The following HEATR5B variants were observed in gnomAD, a reference collection of about 807,000 sequenced individuals.
HEATR5B encodes HEAT repeat-containing protein 5B.
HEATR5B carries 156 observed loss-of-function variants against 224.1 expected under a neutral mutation model. That is an observed-to-expected ratio of 0.70 (90% CI 0.61 to 0.80). HEATR5B has a LOEUF of 0.80. Ranked by LOEUF, HEATR5B falls within the 30% of genes least tolerant of loss-of-function variation. The probability of loss-of-function intolerance (pLI) is 0.00; values close to 1 mark genes in which losing one functional copy is unlikely to be tolerated. For missense variants in HEATR5B, 2,323 were observed against 2,535.5 expected, an observed-to-expected ratio of 0.92 and a Z score of 1.80; for synonymous variants, 1,027 against 893.0, an observed-to-expected ratio of 1.15 and a Z score of -2.68.
intron 33 of HEATR5B, among the ~76,000 whole-genome samples, chr2:36,998,201 A>C (rs1199508533): frequency 2.6e-5 from 4 of 152,188 alleles, no homozygotes; most frequent in African/African-American, 9.6e-5. Context: ...GTTATTTTAT[A>C]TTTTCTTTAC....
chr2:36,993,580 G>A (rs1185757620), intron 33 of HEATR5B, among the ~76,000 whole-genome samples: 1 of 151,134 alleles, frequency 6.6e-6, no homozygotes, highest in Non-Finnish European at 1.5e-5. Flanking sequence ...GATGGGAACA[G>A]ACAAGCGAGA....
At chr2:37,077,436 G>C (rs1672303571) in intron 3 of HEATR5B, among the ~76,000 whole-genome samples, 1 of 152,142 alleles carries the variant, frequency 6.6e-6, no homozygotes, top group Admixed American at 6.5e-5. Context: ...AGCTTCCTGA[G>C]TAGCTGGGAT....
In HEATR5B at chr2:37,007,288, G is replaced by A; in HGVS notation, c.4539C>T (p.Thr1513=). 1.2e-6 allele frequency: 2 copies of A among 1,612,974 alleles called. No homozygotes were observed. Among genetic ancestry groups the A allele is most frequent in the Non-Finnish European group, 1.7e-6 (2 of 1,179,678 alleles). Residue 1513 remains threonine, a synonymous_variant, in exon 29 of 36, where the codon ACC becomes ACT. Coordinates refer to ENST00000233099, the MANE Select transcript of HEATR5B (RefSeq NM_019024.3). ...GTCTAGCTGTATCAATAGTTTCAGG[G>A]GTATAAAATGCTCCACCTGTAAAGC... ...QLPPDGGAFY[T]PETIDTARLH...
chr2:37,060,783 C>T (rs1671236797), intron 11 of HEATR5B, 50 bp from the exon 12 acceptor site: 4 of 1,500,970 alleles, frequency 2.7e-6, no homozygotes, highest in Admixed American at 2.0e-5. Flanking sequence ...ACATACCTTA[C>T]AAACAAGTGT....
In HEATR5B at chr2:37,000,624, C is replaced by T. The variant is rs372733156; in HGVS notation, c.5507G>A (p.Arg1836His). The T allele has an allele frequency of 1.9e-5, 30 of 1,614,066 alleles. No homozygotes were observed. In the Admixed American group the frequency reaches 2.2e-4, roughly 12 times the overall value. Residue 1836 changes from arginine to histidine, a missense_variant, in exon 33 of 36, where the codon CGT becomes CAT. Physicochemically the swap from Arg to His is conservative, Grantham distance 29. This residue lies in a region of HEATR5B where 844 missense variants were observed against 812.9 expected (regional missense o/e 1.04). Coordinates refer to ENST00000233099, the MANE Select transcript of HEATR5B (RefSeq NM_019024.3). Reference protein sequence around the residue: ...GVQKQWTALIRSTLACILEYS... With the variant: ...GVQKQWTALIHSTLACILEYS... Reference sequence around the variant, plus strand: ...TTCCAGGATGCAAGCAAGCGTGCTACGAATCAGAGCTGTCCACTGTTTTTG... The same window carrying T: ...TTCCAGGATGCAAGCAAGCGTGCTATGAATCAGAGCTGTCCACTGTTTTTG...
In HEATR5B at chr2:37,015,282, T is replaced by C. The variant is rs567097816; in HGVS notation, c.4105-1262A>G. 7.9e-5 allele frequency among the ~76,000 whole-genome samples: 12 copies of C among 152,340 alleles called. No individual in the cohort carries two copies. The South Asian group carries it at 1.7e-3, about 21-fold the overall frequency. On this transcript the variant is annotated intron_variant, in intron 26 of 35. Transcript: ENST00000233099. ...AATTTAGACTTCATTCTGTAAGCAA[T>C]TGTGAGTTTCCATGGCCTCTGGACA...
At chr2:37,053,421 A>G (rs551489113) in intron 17 of HEATR5B, 81 bp downstream of exon 17, 89 of 678,890 alleles carry the variant, frequency 1.3e-4, no homozygotes, top group Middle Eastern at 4.4e-4. Context: ...TATAAACATT[A>G]TAATAATCTT....
At chr2:37,009,060 C>G (rs910864824) in intron 27 of HEATR5B, among the ~76,000 whole-genome samples, 13 of 151,734 alleles carry the variant, frequency 8.6e-5, no homozygotes, top group African/African-American at 2.9e-4. Flanking sequence ...GAGATTGAGA[C>G]CATCCTGGCC....
intron 10 of HEATR5B, among the ~76,000 whole-genome samples, chr2:37,063,703 T>C (rs1671420153): frequency 6.6e-6 from 1 of 152,194 alleles, no homozygotes; most frequent in South Asian, 2.1e-4. Context: ...AATCTGCCTA[T>C]GTAAAGTTTC....
intron 24 of HEATR5B, among the ~76,000 whole-genome samples, chr2:37,027,131 C>A (rs1668830030): frequency 6.6e-6 from 1 of 151,434 alleles, no homozygotes. Context: ...TCTATGTGAG[C>A]TCTGCTGCTT....
intron 33 of HEATR5B, among the ~76,000 whole-genome samples, chr2:36,997,079 T>C (rs1666769236): frequency 6.6e-6 from 1 of 152,170 alleles, no homozygotes; most frequent in South Asian, 2.1e-4. Flanking sequence ...TCTTTGTATA[T>C]TAATGATATC....
chr2:37,025,636 T>TG (rs2148453296), intron 24 of HEATR5B, among the ~76,000 whole-genome samples: 1 of 151,282 alleles, frequency 6.6e-6, no homozygotes, highest in Admixed American at 6.6e-5. Flanking sequence ...AGATTACTAA[T>TG]GAAGGCAGAA....
intron 27 of HEATR5B, among the ~76,000 whole-genome samples, chr2:37,013,246 G>T (rs1403388339): frequency 6.6e-6 from 1 of 152,186 alleles, no homozygotes; most frequent in African/African-American, 2.4e-5. Flanking sequence ...GTAGAGGAAG[G>T]AATTAGTTAC....
intron 6 of HEATR5B, 82 bp from the exon 7 acceptor site, chr2:37,070,469 G>T (rs1572934914): frequency 2.8e-6 from 3 of 1,073,174 alleles, no homozygotes; most frequent in South Asian, 1.6e-5. Flanking sequence ...TATTTTTAAG[G>T]ACACTTTACT....
At position 37,062,011 on chromosome 2, in the gene HEATR5B, C is replaced by A. The variant is rs907727645; in HGVS notation, c.1624G>T (p.Ala542Ser). 5.0e-6 allele frequency: 8 copies of A among 1,613,646 alleles called. No homozygotes were observed. In the Admixed American group the frequency reaches 8.3e-5, roughly 17 times the overall value. Residue 542 changes from alanine (A) to serine (S), a missense_variant, in exon 11 of 36, where the codon GCC becomes TCC. Physicochemically the swap from Ala to Ser is moderately conservative, Grantham distance 99. Coordinates refer to ENST00000233099, the MANE Select transcript of HEATR5B (RefSeq NM_019024.3). ...SIAEDLLRTA[A>S]QNSRLSLQRT... Reference sequence around the variant, plus strand: ...TGTAAAGATAGCCTGCTATTTTGGGCAGCAGTTCGTAAAAGATCTTCAGCA... The same window carrying A: ...TGTAAAGATAGCCTGCTATTTTGGGAAGCAGTTCGTAAAAGATCTTCAGCA...
intron 26 of HEATR5B, among the ~76,000 whole-genome samples, chr2:37,018,922 G>A (rs781597783): frequency 5.9e-5 from 9 of 152,158 alleles, no homozygotes; most frequent in African/African-American, 2.2e-4. Flanking sequence ...AGCACTTTGG[G>A]AGGCCAAGGC....
In HEATR5B at chr2:37,000,560, T is replaced by C. The variant is rs764320211; in HGVS notation, c.5545+26A>G. 2.5e-6 allele frequency: 4 copies of C among 1,590,262 alleles called. No individual in the cohort carries two copies. The South Asian group carries it at 3.3e-5, about 13-fold the overall frequency. On this transcript the variant is annotated intron_variant, in intron 33 of 35. Coordinates refer to ENST00000233099, the MANE Select transcript of HEATR5B (RefSeq NM_019024.3). ...TTAGGGAACACATATCCTAACTAAC[T>C]AAAACGTTTAAAACTGATAGGTTAC... is the stretch of plus-strand genomic sequence containing the variant.
intron 6 of HEATR5B, among the ~76,000 whole-genome samples, chr2:37,071,677 TTC>T (rs1223262051): frequency 1.3e-5 from 2 of 151,576 alleles, no homozygotes; most frequent in Non-Finnish European, 2.9e-5. Context: ...GCCATTTGGG[TTC>T]TTTTTTTTTT....
At chr2:37,046,599 A>G (rs1670209499) in intron 18 of HEATR5B, among the ~76,000 whole-genome samples, 1 of 146,988 alleles carries the variant, frequency 6.8e-6, no homozygotes, top group South Asian at 2.2e-4. Context: ...AGATTGCACC[A>G]CTGCACTCCA....
Sources: gnomAD v4.1 joint callset for allele counts (sites outside exome capture counted in the v4.1 genomes callset) on GRCh38, gnomAD v4.1.1 for gene constraint, gnomAD v4.1.1 regional missense constraint, MANE v1.5 for transcripts, NCBI Gene and HGNC (gene_info 2026-07-23, HGNC 2026-07-21) for gene names.